The following RASA3 variants were observed in gnomAD, a reference collection of about 807,000 sequenced individuals.
The protein encoded by RASA3 is RAS p21 protein activator 3, also known as ras GTPase-activating protein 3.
RASA3 carries 73 observed loss-of-function variants against 110.0 expected under a neutral mutation model. That is an observed-to-expected ratio of 0.66 (90% CI 0.55 to 0.81). The LOEUF (loss-of-function observed/expected upper bound fraction) is 0.81. Ranked by LOEUF, RASA3 falls within the 30% of genes least tolerant of loss-of-function variation. The pLI, the probability that RASA3 is intolerant of heterozygous loss-of-function variation, is 0.00. For missense variants in RASA3, 976 were observed against 1,113.2 expected, an observed-to-expected ratio of 0.88 and a Z score of 1.75; for synonymous variants, 500 against 451.4, an observed-to-expected ratio of 1.11 and a Z score of -1.37.
chr13:114,015,378 A>G (rs1555329109), intron 13 of RASA3, 46 bp from the exon 14 acceptor site: 3 of 1,606,860 alleles, frequency 1.9e-6, no homozygotes, highest in East Asian at 2.2e-5. Flanking sequence ...GGCTGCCCAC[A>G]GGTGCGTGTA....
intron 6 of RASA3, 34 bp downstream of exon 6, chr13:114,027,813 C>T: frequency 2.5e-6 from 4 of 1,599,700 alleles, no homozygotes; most frequent in Non-Finnish European, 3.4e-6. Context: ...CCCCCCAGGA[C>T]CAGAACAGAA....
At chr13:114,017,007 G>A (rs1271091191) in intron 12 of RASA3, among the ~76,000 whole-genome samples, 1 of 152,208 alleles carries the variant, frequency 6.6e-6, no homozygotes, top group Non-Finnish European at 1.5e-5. Flanking sequence ...TTTGTGGAGT[G>A]GTGGATTTTC....
chr13:113,980,591 T>C (rs551040284), intron 23 of RASA3, among the ~76,000 whole-genome samples: 2 of 152,232 alleles, frequency 1.3e-5, no homozygotes, highest in Non-Finnish European at 2.9e-5. Context: ...GGCCATGAGG[T>C]TGATGGACCT....
At chr13:114,118,433 C>G (rs1418134224) in intron 1 of RASA3, among the ~76,000 whole-genome samples, 3 of 151,964 alleles carry the variant, frequency 2.0e-5, no homozygotes, top group Non-Finnish European at 4.4e-5. Context: ...TTTGCCTTGC[C>G]GTTGTTGCCT....
In RASA3 at chr13:114,091,655, A is replaced by G. The variant is rs542719485; in HGVS notation, c.56-17818T>C. ...TTTTGTGTCTGTGTTCATCAGAGAC[A>G]TTGGCCTTTAGTTTTCTTTTTGTGT... On this transcript the variant is annotated intron_variant, in intron 1 of 23. Coordinates refer to ENST00000334062, the MANE Select transcript of RASA3 (RefSeq NM_007368.4). Among the ~76,000 whole-genome samples, 6 of 151,742 alleles carry G rather than the reference A, an allele frequency of 4.0e-5. 1 individual carries two copies. The highest frequency in any genetic ancestry group is 1.5e-4 in the African/African-American group (6 of 41,312).
intron 2 of RASA3, among the ~76,000 whole-genome samples, chr13:114,062,377 C>T (rs1473457337): frequency 6.6e-6 from 1 of 152,082 alleles, no homozygotes; most frequent in Non-Finnish European, 1.5e-5. Flanking sequence ...ATCAAAGAGA[C>T]AGTAACAAGG....
rs767173890 is a variant in RASA3 at position 114,021,442 on chromosome 13, C to G, written c.747G>C (p.Pro249=). The change falls in exon 9 of 24, where the codon CCG becomes CCC. Residue 249 remains proline, a synonymous_variant. Transcript: ENST00000334062. The part of the protein sequence containing the change: ...GDEFLGELRI[P]LKVLRQSSSY... The stretch of plus-strand genomic sequence containing the variant: ...AGCTGGACTGCCGCAGGACTTTCAA[C>G]GGGATCCTTAGTTCTCCCAGGAATT... 3.1e-6 allele frequency: 5 copies of G among 1,613,906 alleles called. No homozygotes were observed. The highest frequency in any genetic ancestry group is 4.2e-6 in the Non-Finnish European group (5 of 1,180,032).
At chr13:114,025,244 A>T (rs2054005828) in intron 7 of RASA3, among the ~76,000 whole-genome samples, 1 of 152,224 alleles carries the variant, frequency 6.6e-6, no homozygotes, top group Non-Finnish European at 1.5e-5. Flanking sequence ...CTGAGCTTGC[A>T]CTTCCTGATT....
chr13:114,021,133 G>T (rs879752896), intron 9 of RASA3, among the ~76,000 whole-genome samples: 1 of 151,824 alleles, frequency 6.6e-6, no homozygotes, highest in Non-Finnish European at 1.5e-5. Flanking sequence ...TTTCACCCAC[G>T]TTCCCTGTCT....
At chr13:114,095,628 G>A (rs181929427) in intron 1 of RASA3, among the ~76,000 whole-genome samples, 3 of 152,068 alleles carry the variant, frequency 2.0e-5, no homozygotes, top group Admixed American at 1.3e-4. Flanking sequence ...CTTCACATGC[G>A]TCCACTCACA....
intron 1 of RASA3, among the ~76,000 whole-genome samples, chr13:114,108,259 ATCCGT>A (rs2080163691): frequency 2.5e-5 from 3 of 119,490 alleles, no homozygotes; most frequent in African/African-American, 1.0e-4. Context: ...GTCACCCTGC[ATCCGT>A]CACCCCGTGT....
chr13:114,111,044 GC>G (rs1260317581), intron 1 of RASA3, among the ~76,000 whole-genome samples: 31,830 of 130,930 alleles, frequency 0.24, 9,179 homozygotes, highest in East Asian at 0.42. Flanking sequence ...CGAGCTGCAG[GC>G]CGAGTTCTAA....
chr13:114,069,056 G>A lies in RASA3; in HGVS notation c.173+4664C>T, dbSNP rs1027653557. 3.9e-5 allele frequency among the ~76,000 whole-genome samples: 6 copies of A among 152,194 alleles called. No homozygotes were observed. The East Asian group carries it at 5.8e-4, about 15-fold the overall frequency. ...CCTCGGACGCGCGGCCCAGGGGCCC[G>A]GGCCACACGCAGGGAGGAGGCGTGG... is the stretch of plus-strand genomic sequence containing the variant. On this transcript the variant is annotated intron_variant, in intron 2 of 23. Coordinates refer to ENST00000334062, the MANE Select transcript of RASA3 (RefSeq NM_007368.4).
intron 1 of RASA3, among the ~76,000 whole-genome samples, chr13:114,106,630 T>C (rs1808485425): frequency 6.6e-6 from 1 of 152,220 alleles, no homozygotes; most frequent in Non-Finnish European, 1.5e-5. Context: ...TAGAACACGC[T>C]TCCCGCTCCG....
chr13:114,034,041 C>A (rs1594360448), intron 4 of RASA3, among the ~76,000 whole-genome samples: 1 of 152,208 alleles, frequency 6.6e-6, no homozygotes, highest in African/African-American at 2.4e-5. Flanking sequence ...GGCCTGCTAT[C>A]CGTGGCTATC....
In RASA3 at chr13:114,007,564, T is replaced by A. The variant is rs770987351; in HGVS notation, c.1711A>T (p.Ser571Cys). ...TTAAGCACGATGGGCTGCTCAACAC[T>A]CTTGGGGTCTCTTCTCCCCGAGGAC... is the stretch of plus-strand genomic sequence containing the variant. The part of the protein sequence containing the change: ...ISSSGRRDPK[S>C]VEQPIVLKEG... Residue 571 changes from serine (S) to cysteine (C), a missense_variant, in exon 18 of 24, where the codon AGT (serine) becomes TGT (cysteine). Ser to Cys is a moderately radical substitution (Grantham distance 112). Transcript: ENST00000334062. 7.4e-6 allele frequency: 12 copies of A among 1,613,406 alleles called. No individual in the cohort carries two copies. The East Asian group carries it at 2.7e-4, about 36-fold the overall frequency.
intron 4 of RASA3, among the ~76,000 whole-genome samples, chr13:114,037,813 C>T (rs551057547): frequency 1.4e-3 from 206 of 152,304 alleles, no homozygotes; most frequent in African/African-American, 4.7e-3. Context: ...TCCTGGTTGA[C>T]GTTGCACCAG....
At position 114,112,221 on chromosome 13, in the gene RASA3, C is replaced by CA. The variant is rs1019754865; in HGVS notation, c.55+20213dup. 2.7e-4 allele frequency among the ~76,000 whole-genome samples: 41 copies of CA among 152,182 alleles called. No homozygotes were observed. Among genetic ancestry groups the CA allele is most frequent in the South Asian group, 8.3e-4 (4 of 4,826 alleles). The stretch of plus-strand genomic sequence containing the variant: ...CCAGGCTATTGTGAATGGGTGTTAC[C>CA]AAAAAATGGCATTAGCAGGGCACCA... On this transcript the variant is annotated intron_variant, in intron 1 of 23. Transcript: ENST00000334062. This position sits in a 1 kb window ranked among gnomAD's most constrained non-coding sequence, Gnocchi z 4.8.
At position 114,016,221 on chromosome 13, in the gene RASA3, G is replaced by A. The variant is rs139392233; in HGVS notation, c.1257C>T (p.Asp419=). 92 of 1,599,716 alleles carry A rather than the reference G, an allele frequency of 5.8e-5. No individual in the cohort carries two copies. Among genetic ancestry groups the A allele is most frequent in the African/African-American group, 3.9e-4 (29 of 74,548 alleles). ...CCATGTTGTTTTCAAGGTTTTCTCC[G>A]TCTTTCAACTTCACAGGGTCGATTT... is the stretch of plus-strand genomic sequence containing the variant. ...PCEIDPVKLK[D]GENLENNMEN... The change falls in exon 13 of 24, where the codon GAC becomes GAT. Residue 419 remains aspartate, a synonymous_variant. Coordinates refer to ENST00000334062, the MANE Select transcript of RASA3 (RefSeq NM_007368.4).
Sources: gnomAD v4.1 joint callset for allele counts (sites outside exome capture counted in the v4.1 genomes callset) on GRCh38, gnomAD v4.1.1 for gene constraint, Gnocchi (gnomAD v3.1) non-coding constraint, MANE v1.5 for transcripts, NCBI Gene and HGNC (gene_info 2026-07-23, HGNC 2026-07-21) for gene names.